The following WWOX variants were observed in gnomAD, a reference collection of about 807,000 sequenced individuals.
The protein encoded by WWOX is WW domain-containing oxidoreductase.
WWOX carries 69 observed loss-of-function variants against 46.2 expected under a neutral mutation model. The ratio of observed to expected loss-of-function variants is 1.49; its 90% CI spans 1.23 to 1.82. The LOEUF is 1.82. Ranked by LOEUF, WWOX falls within the 40% of genes most tolerant of loss-of-function variation. The pLI is 0.00. For missense variants in WWOX, 919 were observed against 542.6 expected (o/e 1.69, Z -6.89); for synonymous variants, 359 against 202.6 (o/e 1.77, Z -6.56).
At chr16:78,160,508 T>C (rs1450032334) in intron 4 of WWOX, among the ~76,000 whole-genome samples, 1 of 152,252 alleles carries the variant, frequency 6.6e-6, no homozygotes, top group Non-Finnish European at 1.5e-5. Flanking sequence ...TATATGTGTT[T>C]GTAATTACCG....
chr16:78,517,214 A>G (rs1462822306), intron 8 of WWOX, among the ~76,000 whole-genome samples: 2 of 152,074 alleles, frequency 1.3e-5, no homozygotes, highest in Non-Finnish European at 1.5e-5. Context: ...GGAGCTTATC[A>G]TCTATTATTA....
At chr16:79,117,135 C>A (rs74988905) in intron 8 of WWOX, among the ~76,000 whole-genome samples, 1 of 152,080 alleles carries the variant, frequency 6.6e-6, no homozygotes, top group African/African-American at 2.4e-5. Flanking sequence ...CTCCAGCCTT[C>A]CCAGTAGCTG....
intron 8 of WWOX, among the ~76,000 whole-genome samples, chr16:78,667,406 C>G (rs1203744230): frequency 5.9e-5 from 9 of 152,062 alleles, no homozygotes; most frequent in African/African-American, 2.2e-4. Context: ...TGTGGTGGCT[C>G]ACGCCTGTAT....
chr16:78,713,347 T>C (rs913800656), intron 8 of WWOX, among the ~76,000 whole-genome samples: 3 of 147,082 alleles, frequency 2.0e-5, no homozygotes, highest in Non-Finnish European at 4.5e-5. Flanking sequence ...TGGTGTGAGC[T>C]GGAGTAGACA....
chr16:78,450,395 G>A (rs539677917), intron 8 of WWOX, among the ~76,000 whole-genome samples: 1 of 152,302 alleles, frequency 6.6e-6, no homozygotes, highest in East Asian at 1.9e-4. Flanking sequence ...GAAGTACTGA[G>A]AGAGAAATCT....
intron 8 of WWOX, among the ~76,000 whole-genome samples, chr16:79,190,908 A>C (rs1234348631): frequency 6.6e-6 from 1 of 152,206 alleles, no homozygotes; most frequent in African/African-American, 2.4e-5. Flanking sequence ...ACAGCTAATT[A>C]GTTGGTGTTA....
intron 8 of WWOX, among the ~76,000 whole-genome samples, chr16:78,603,833 C>T (rs572696946): frequency 2.0e-5 from 3 of 152,258 alleles, no homozygotes; most frequent in Admixed American, 6.5e-5. Context: ...GACTCAGTGT[C>T]AGTAGACTCT....
chr16:78,103,477 C>G (rs575269535), intron 1 of WWOX, among the ~76,000 whole-genome samples: 1 of 151,872 alleles, frequency 6.6e-6, no homozygotes, highest in Non-Finnish European at 1.5e-5. Flanking sequence ...ACCTTGTGTC[C>G]GTCCCTGCTG....
intron 5 of WWOX, among the ~76,000 whole-genome samples, chr16:78,303,251 C>G (rs1177420334): frequency 2.0e-5 from 3 of 152,032 alleles, no homozygotes; most frequent in Admixed American, 2.0e-4. Flanking sequence ...TTCTGATAGA[C>G]AAAGTAAAGT....
intron 5 of WWOX, among the ~76,000 whole-genome samples, chr16:78,284,082 A>G (rs2151856315): frequency 6.6e-6 from 1 of 152,312 alleles, no homozygotes; most frequent in South Asian, 2.1e-4. Context: ...TTTTAAGCCA[A>G]CAACCATTGC....
intron 8 of WWOX, among the ~76,000 whole-genome samples, chr16:78,893,551 G>T (rs2044636987): frequency 6.6e-6 from 1 of 152,194 alleles, no homozygotes; most frequent in African/African-American, 2.4e-5. Context: ...TCCTCTCTCA[G>T]ACTCAGCTCC....
chr16:78,217,613 A>G (rs1414027579), intron 5 of WWOX, among the ~76,000 whole-genome samples: 2 of 152,160 alleles, frequency 1.3e-5, no homozygotes, highest in East Asian at 1.9e-4. Context: ...GAAACTTAAC[A>G]GAGGGCTCAG....
intron 6 of WWOX, among the ~76,000 whole-genome samples, chr16:78,393,184 C>A (rs1246828681): frequency 6.6e-6 from 1 of 152,062 alleles, no homozygotes; most frequent in South Asian, 2.1e-4. Flanking sequence ...ATCACTCAGA[C>A]CAAATATTGG....
chr16:78,825,882 C>T (rs985802809), intron 8 of WWOX: 2 of 680,838 alleles, frequency 2.9e-6, no homozygotes. Context: ...CCTAAGAAGC[C>T]TCTGCCTGAC....
chr16:78,717,797 G>T (rs1484152934), intron 8 of WWOX, among the ~76,000 whole-genome samples: 2 of 152,130 alleles, frequency 1.3e-5, no homozygotes. Flanking sequence ...TATTTAGAAG[G>T]ATGCCCTGTG....
At chr16:78,827,535 G>A (rs767220523) in intron 8 of WWOX, among the ~76,000 whole-genome samples, 7 of 152,038 alleles carry the variant, frequency 4.6e-5, no homozygotes, top group Non-Finnish European at 8.8e-5. Flanking sequence ...GAAGAGTGAG[G>A]TCTAAGAGAA....
intron 5 of WWOX, among the ~76,000 whole-genome samples, chr16:78,217,296 C>G (rs755017239): frequency 1.6e-4 from 25 of 152,220 alleles, no homozygotes; most frequent in African/African-American, 3.6e-4. Context: ...CCTAGCACCA[C>G]TGGCCAAAGC....
At chr16:78,125,296 G>C (rs554721274) in intron 4 of WWOX, among the ~76,000 whole-genome samples, 14 of 152,268 alleles carry the variant, frequency 9.2e-5, no homozygotes, top group Admixed American at 3.9e-4. Context: ...GGCGGCGGGT[G>C]CCTGCAGGAT....
chr16:78,796,866 C>G (rs1049168208), intron 8 of WWOX, among the ~76,000 whole-genome samples: 1 of 150,100 alleles, frequency 6.7e-6, no homozygotes, highest in Non-Finnish European at 1.5e-5. Context: ...CACTCTGTCA[C>G]CTAGGCTGGA....
Sources: gnomAD v4.1 joint callset for allele counts (sites outside exome capture counted in the v4.1 genomes callset) on GRCh38, gnomAD v4.1.1 for gene constraint, MANE v1.5 for transcripts, NCBI Gene and HGNC (gene_info 2026-07-23, HGNC 2026-07-21) for gene names.